Variants in CMIP observed in about 807,000 individuals in gnomAD.
CMIP encodes the protein C-Maf-inducing protein.
CMIP carries 13 observed loss-of-function variants against 97.3 expected under a neutral mutation model. The ratio of observed to expected loss-of-function variants is 0.13; its 90% CI spans 0.09 to 0.21. The LOEUF (loss-of-function observed/expected upper bound fraction) is 0.21, where lower values mean the gene tolerates loss of function less well. Ranked by LOEUF, CMIP falls within the 10% of genes least tolerant of loss-of-function variation. The pLI, the probability that CMIP is intolerant of heterozygous loss-of-function variation, is 1.00. For synonymous variants in CMIP, 538 were observed against 436.3 expected (o/e 1.23, Z -2.91); for missense variants, 847 against 1,024.9 (o/e 0.83, Z 2.37).
intron 1 of CMIP, among the ~76,000 whole-genome samples, chr16:81,485,566 C>G (rs1032855388): frequency 2.0e-5 from 3 of 152,236 alleles, no homozygotes; most frequent in Non-Finnish European, 4.4e-5. Context: ...TTTCTTACCA[C>G]AGCCCTTCTG....
intron 13 of CMIP, among the ~76,000 whole-genome samples, chr16:81,693,773 C>T (rs1054735003): frequency 2.0e-5 from 3 of 152,210 alleles, no homozygotes; most frequent in African/African-American, 7.2e-5. Context: ...CAGCTCTCAA[C>T]CAGCTCTGAG....
chr16:81,658,679 G>A lies in CMIP; in HGVS notation c.681+863G>A, dbSNP rs117958109. On this transcript the variant is annotated intron_variant, in intron 5 of 20. Coordinates refer to ENST00000537098, the MANE Select transcript of CMIP (RefSeq NM_198390.3). ...TAAAGCAACGTAGTGTGTTCTGGAAGCTTCAGCATTGCTGGAGCATAAAGC... is the reference window on the plus strand; with the variant it reads ...TAAAGCAACGTAGTGTGTTCTGGAAACTTCAGCATTGCTGGAGCATAAAGC... 3.7e-4 allele frequency among the ~76,000 whole-genome samples: 56 copies of A among 152,384 alleles called. 2 individuals carry two copies. In the East Asian group the frequency reaches 0.01, roughly 27 times the overall value.
chr16:81,690,230 A>G (rs1013575646), intron 10 of CMIP, among the ~76,000 whole-genome samples: 2 of 152,184 alleles, frequency 1.3e-5, no homozygotes, highest in African/African-American at 2.4e-5. Context: ...CATTGAATCT[A>G]TAAATTACCT....
At chr16:81,663,456 C>T (rs765676402) in intron 6 of CMIP, among the ~76,000 whole-genome samples, 4 of 152,112 alleles carry the variant, frequency 2.6e-5, no homozygotes, top group South Asian at 4.1e-4. Context: ...GTAAAATGAT[C>T]GGTGGTTGCC....
chr16:81,603,825 C>T (rs2091697616), intron 1 of CMIP, among the ~76,000 whole-genome samples: 1 of 152,194 alleles, frequency 6.6e-6, no homozygotes, highest in Admixed American at 6.5e-5. Context: ...AAAGATTGGT[C>T]TTTCTCAAAA....
intron 1 of CMIP, among the ~76,000 whole-genome samples, chr16:81,606,481 G>A (rs576486698): frequency 2.0e-5 from 3 of 152,102 alleles, no homozygotes; most frequent in African/African-American, 2.4e-5. Flanking sequence ...TGTATCCCTC[G>A]GTCACCTGGT....
intron 1 of CMIP, among the ~76,000 whole-genome samples, chr16:81,568,798 G>A (rs1316151667): frequency 2.0e-5 from 3 of 152,118 alleles, no homozygotes; most frequent in South Asian, 4.1e-4. Context: ...AACCAGCCTC[G>A]CCATAAACCA....
At chr16:81,629,171 A>G (rs1185411821) in intron 3 of CMIP, among the ~76,000 whole-genome samples, 1 of 140,406 alleles carries the variant, frequency 7.1e-6, no homozygotes, top group Non-Finnish European at 1.5e-5. Context: ...AAAAAAGATA[A>G]TGTGAATTGA....
intron 1 of CMIP, among the ~76,000 whole-genome samples, chr16:81,484,512 C>A (rs1403934173): frequency 6.6e-6 from 1 of 152,182 alleles, no homozygotes; most frequent in Non-Finnish European, 1.5e-5. Context: ...CAAAACCAAC[C>A]TCCCCGCCCA....
intron 6 of CMIP, among the ~76,000 whole-genome samples, chr16:81,662,371 C>T (rs796203763): frequency 3.3e-5 from 5 of 152,284 alleles, no homozygotes; most frequent in African/African-American, 1.2e-4. Context: ...CTCAGCGTTC[C>T]TAGTAGCACA....
At chr16:81,681,746 T>C (rs1156259678) in intron 10 of CMIP, among the ~76,000 whole-genome samples, 8 of 152,210 alleles carry the variant, frequency 5.3e-5, no homozygotes, top group Admixed American at 3.9e-4. Flanking sequence ...ATTGAGGAAA[T>C]GCAGCCGTGG....
chr16:81,706,821 G>A (rs534542078), intron 19 of CMIP, among the ~76,000 whole-genome samples, 193 bp from the exon 20 acceptor site: 1 of 152,298 alleles, frequency 6.6e-6, no homozygotes, highest in African/African-American at 2.4e-5. Flanking sequence ...GTTCAGACCA[G>A]CACGTGCCTG....
chr16:81,512,367 C>T (rs988075085), intron 1 of CMIP, among the ~76,000 whole-genome samples: 2 of 152,156 alleles, frequency 1.3e-5, no homozygotes, highest in African/African-American at 4.8e-5. Flanking sequence ...CATCACCACC[C>T]CCATCACCTT....
chr16:81,478,456 G>A (rs930961797), intron 1 of CMIP, among the ~76,000 whole-genome samples: 2 of 152,190 alleles, frequency 1.3e-5, no homozygotes, highest in Non-Finnish European at 2.9e-5. Context: ...AAGCAGGTGT[G>A]CAAGCAAAGG....
At chr16:81,529,226 TATTGC>T (rs1190624838) in intron 1 of CMIP, among the ~76,000 whole-genome samples, 4 of 152,220 alleles carry the variant, frequency 2.6e-5, no homozygotes, top group Non-Finnish European at 5.9e-5. Context: ...GTCACAATGC[TATTGC>T]TGCATCTTGA....
intron 1 of CMIP, among the ~76,000 whole-genome samples, chr16:81,460,268 G>C (rs1248388124): frequency 6.6e-6 from 1 of 152,146 alleles, no homozygotes; most frequent in Non-Finnish European, 1.5e-5. Context: ...TGGAGGATGG[G>C]AGGAGGGTGA....
At chr16:81,626,609 G>T (rs1471560728) in intron 3 of CMIP, among the ~76,000 whole-genome samples, 6 of 147,184 alleles carry the variant, frequency 4.1e-5, no homozygotes. Context: ...GTGACGGTGT[G>T]CGTGTGTGTG....
At chr16:81,707,997 G>A (rs1056343821) in intron 20 of CMIP, among the ~76,000 whole-genome samples, 3 of 152,262 alleles carry the variant, frequency 2.0e-5, no homozygotes, top group Non-Finnish European at 4.4e-5. Context: ...GTGCTCACTG[G>A]GGCATCCTCC....
chr16:81,648,408 C>T (rs1016600764), intron 3 of CMIP, among the ~76,000 whole-genome samples: 2 of 152,070 alleles, frequency 1.3e-5, no homozygotes, highest in Non-Finnish European at 2.9e-5. Flanking sequence ...AGCTGTGCAC[C>T]ATGAACACCT....
Sources: gnomAD v4.1 joint callset for allele counts (sites outside exome capture counted in the v4.1 genomes callset) on GRCh38, gnomAD v4.1.1 for gene constraint, MANE v1.5 for transcripts, NCBI Gene and HGNC (gene_info 2026-07-23, HGNC 2026-07-21) for gene names.